The following ADK variants were observed in gnomAD, a reference collection of about 807,000 sequenced individuals.
ADK encodes N6,N6-dimethyladenosine kinase.
Under a neutral mutation model 44.7 loss-of-function variants are expected in ADK, and 24 were observed. The ratio of observed to expected loss-of-function variants is 0.54; its 90% confidence interval spans 0.39 to 0.76. ADK has a LOEUF of 0.76. Ranked by LOEUF, ADK falls within the 30% of genes least tolerant of loss-of-function variation. ADK has a pLI of 0.00. For synonymous variants in ADK, 128 were observed against 142.6 expected (o/e 0.90, Z 0.73); for missense variants, 321 against 425.1 (o/e 0.76, Z 2.15).
intron 9 of ADK, chr10:74,655,214 T>A (rs1854435762): frequency 2.7e-6 from 1 of 369,892 alleles, no homozygotes. Flanking sequence ...GGGACAGAGA[T>A]GGACAGAGAC....
chr10:74,366,758 C>T (rs1377244459), intron 4 of ADK, among the ~76,000 whole-genome samples: 1 of 152,018 alleles, frequency 6.6e-6, no homozygotes, highest in African/African-American at 2.4e-5. Flanking sequence ...GGTGAAACCC[C>T]ATCTCTATAA....
At chr10:74,267,848 G>A (rs1846275918) in intron 3 of ADK, among the ~76,000 whole-genome samples, 1 of 150,722 alleles carries the variant, frequency 6.6e-6, no homozygotes, top group Non-Finnish European at 1.5e-5. Context: ...GTCATATTAG[G>A]CCTCTTTGGC....
At chr10:74,361,344 GT>G (rs578015734) in intron 4 of ADK, among the ~76,000 whole-genome samples, 7 of 151,656 alleles carry the variant, frequency 4.6e-5, no homozygotes, top group Admixed American at 6.6e-5. Flanking sequence ...GTCTTTCTTT[GT>G]GGTTAGGTGA....
chr10:74,414,649 G>A (rs1372352958), intron 6 of ADK, among the ~76,000 whole-genome samples: 1 of 152,092 alleles, frequency 6.6e-6, no homozygotes, highest in African/African-American at 2.4e-5. Flanking sequence ...GCAGGAGAAT[G>A]GCTTGAACCT....
intron 10 of ADK, among the ~76,000 whole-genome samples, chr10:74,677,883 T>C (rs556703536): frequency 7.2e-6 from 1 of 139,378 alleles, no homozygotes; most frequent in African/African-American, 2.7e-5. Context: ...ATCCCAACAC[T>C]TTGGGAGGCA....
intron 9 of ADK, among the ~76,000 whole-genome samples, chr10:74,629,276 T>G (rs961316033): frequency 1.3e-5 from 2 of 152,186 alleles, no homozygotes; most frequent in African/African-American, 4.8e-5. Context: ...GTGATTCTCC[T>G]GCTTTGGCCT....
chr10:74,589,554 CCT>C (rs1188025798), intron 8 of ADK, among the ~76,000 whole-genome samples: 1 of 152,052 alleles, frequency 6.6e-6, no homozygotes, highest in Non-Finnish European at 1.5e-5. Context: ...TTTTGAAAAG[CCT>C]CTTGGGAAGC....
chr10:74,262,664 AT>A (rs1224296508), intron 3 of ADK, among the ~76,000 whole-genome samples: 1 of 151,948 alleles, frequency 6.6e-6, no homozygotes, highest in Non-Finnish European at 1.5e-5. Flanking sequence ...TCATGTATTC[AT>A]TTATTCATTC....
At chr10:74,570,851 T>C (rs1304731019) in intron 7 of ADK, among the ~76,000 whole-genome samples, 1 of 152,164 alleles carries the variant, frequency 6.6e-6, no homozygotes. Context: ...AGAGAGGGCA[T>C]CCCTGTCTTG....
At chr10:74,457,860 C>T (rs1188718688) in intron 6 of ADK, among the ~76,000 whole-genome samples, 3 of 151,942 alleles carry the variant, frequency 2.0e-5, no homozygotes, top group African/African-American at 7.3e-5. Context: ...CATACTGGGG[C>T]CTGTCAGGGG....
chr10:74,459,382 C>T (rs1846075541), intron 6 of ADK, among the ~76,000 whole-genome samples: 2 of 151,982 alleles, frequency 1.3e-5, no homozygotes, highest in South Asian at 2.1e-4. Context: ...CACCTTTTTA[C>T]ATTTCAGAGG....
chr10:74,303,624 G>A (rs561824730), intron 3 of ADK, among the ~76,000 whole-genome samples: 3 of 63,014 alleles, frequency 4.8e-5, no homozygotes, highest in Non-Finnish European at 8.1e-5. Context: ...TGCTAGAAAG[G>A]CATGCACAAG....
At chr10:74,367,264 T>C (rs1356498077) in intron 4 of ADK, among the ~76,000 whole-genome samples, 1 of 152,208 alleles carries the variant, frequency 6.6e-6, no homozygotes, top group Non-Finnish European at 1.5e-5. Context: ...ATGGTTTATA[T>C]CTAAAATGAT....
chr10:74,302,101 G>GTTTTTTTTTTTTTTTTTTTTTTT (rs1564642239), intron 3 of ADK, among the ~76,000 whole-genome samples: 1 of 11,708 alleles, frequency 8.5e-5, no homozygotes, highest in Admixed American at 9.8e-4. Flanking sequence ...TTTTTTTTTT[G>GTTTTTTTTTTTTTTTTTTTTTTT]TTTGTTTGTT....
chr10:74,593,162 C>G (rs1283577180), intron 8 of ADK, among the ~76,000 whole-genome samples: 1 of 152,128 alleles, frequency 6.6e-6, no homozygotes, highest in African/African-American at 2.4e-5. Flanking sequence ...GAAAATAAGA[C>G]CCTAAATCAG....
chr10:74,404,803 A>T (rs1401468804), intron 6 of ADK, among the ~76,000 whole-genome samples: 1 of 152,312 alleles, frequency 6.6e-6, no homozygotes, highest in South Asian at 2.1e-4. Context: ...AGCCTAGGCA[A>T]CATAGTGAGA....
At chr10:74,324,410 A>G (rs920522845) in intron 4 of ADK, among the ~76,000 whole-genome samples, 5 of 152,072 alleles carry the variant, frequency 3.3e-5, no homozygotes, top group African/African-American at 1.2e-4. Flanking sequence ...CTACCCCTCT[A>G]ATTACCCAAG....
chr10:74,200,623 A>G (rs1315776993), intron 1 of ADK, 141 bp from the exon 2 acceptor site: 2 of 681,952 alleles, frequency 2.9e-6, no homozygotes, highest in Non-Finnish European at 5.3e-6. Context: ...TACGTATAAT[A>G]GGCAAATCAA....
chr10:74,416,015 TACACACACATACATATATACAC>T (rs1186376336), intron 6 of ADK, among the ~76,000 whole-genome samples: 7 of 129,174 alleles, frequency 5.4e-5, no homozygotes, highest in Non-Finnish European at 8.3e-5. Context: ...CATTTATATA[TACACACACATACATATATACAC>T]ACACACACAC....
Sources: gnomAD v4.1 joint callset for allele counts (sites outside exome capture counted in the v4.1 genomes callset) on GRCh38, gnomAD v4.1.1 for gene constraint, MANE v1.5 for transcripts, NCBI Gene and HGNC (gene_info 2026-07-23, HGNC 2026-07-21) for gene names.